The following FMN1 variants were observed in gnomAD, a reference collection of about 807,000 sequenced individuals.
The protein encoded by FMN1 is formin 1, also known as formin-1.
In FMN1, 110 loss-of-function variants were observed where a neutral mutation model predicts 132.4. The ratio of observed to expected loss-of-function variants is 0.83; its 90% CI spans 0.71 to 0.97. The LOEUF is 0.97. Ranked by LOEUF, FMN1 falls within the 50% of genes least tolerant of loss-of-function variation. The probability of loss-of-function intolerance (pLI) is 0.00; values close to 1 mark genes in which losing one functional copy is unlikely to be tolerated. For synonymous variants in FMN1, 722 were observed against 651.7 expected, an observed-to-expected ratio of 1.11 and a Z score of -1.64; for missense variants, 1,792 against 1,705.3, an observed-to-expected ratio of 1.05 and a Z score of -0.90.
chr15:32,930,506 G>C lies in FMN1; in HGVS notation c.3139-4245C>G, dbSNP rs538965783. Among the ~76,000 whole-genome samples, 3 of 151,926 alleles carry C rather than the reference G, an allele frequency of 2.0e-5. 1 individual carries two copies. The South Asian group carries it at 6.2e-4, about 31-fold the overall frequency. ...TTTCCCTGGTGATTAGTGATGTTGA[G>C]CATCTTTTCCTTATACATATTGGCC... On this transcript the variant is annotated intron_variant, in intron 9 of 20. Transcript: ENST00000616417.
At chr15:32,933,525 T>C (rs544134381) in intron 9 of FMN1, among the ~76,000 whole-genome samples, 1 of 152,134 alleles carries the variant, frequency 6.6e-6, no homozygotes, top group Non-Finnish European at 1.5e-5. Context: ...TGTTTCCTTA[T>C]TGTTTATCTA....
In FMN1 at chr15:33,074,060, G is replaced by A. The variant is rs142722111; in HGVS notation, c.2044-8986C>T. 1.4e-3 allele frequency among the ~76,000 whole-genome samples: 218 copies of A among 152,158 alleles called. 2 individuals carry two copies. Among genetic ancestry groups the A allele is most frequent in the Non-Finnish European group, 2.5e-3 (168 of 67,992 alleles). On this transcript the variant is annotated intron_variant, in intron 5 of 20. Transcript: ENST00000616417. ...TTGACCTTTTGTTTTAAAGATGAAG[G>A]CATTTGAGGTCAAGGGAAGCGGAAC...
At chr15:33,025,206 A>G (rs908090024) in intron 6 of FMN1, among the ~76,000 whole-genome samples, 5 of 152,170 alleles carry the variant, frequency 3.3e-5, no homozygotes, top group African/African-American at 1.2e-4. Flanking sequence ...TACACTTAAA[A>G]TCTATGAAGC....
At chr15:33,030,002 A>C (rs2035860284) in intron 6 of FMN1, among the ~76,000 whole-genome samples, 1 of 152,058 alleles carries the variant, frequency 6.6e-6, no homozygotes, top group Non-Finnish European at 1.5e-5. Flanking sequence ...CTAAAAATAC[A>C]AAAAAAATAG....
At chr15:33,051,360 G>T (rs1326685581) in intron 6 of FMN1, among the ~76,000 whole-genome samples, 3 of 152,136 alleles carry the variant, frequency 2.0e-5, no homozygotes, top group Admixed American at 6.6e-5. Flanking sequence ...TAAACTGGAA[G>T]TCAGAAGACC....
chr15:32,821,055 TTTG>T (rs778219384), intron 17 of FMN1, among the ~76,000 whole-genome samples: 11 of 132,074 alleles, frequency 8.3e-5, no homozygotes, highest in African/African-American at 1.9e-4. Context: ...GTGAGGCAGT[TTTG>T]TTGTTGTTGT....
intron 6 of FMN1, among the ~76,000 whole-genome samples, chr15:33,014,762 A>G (rs1261809356): frequency 6.6e-6 from 1 of 152,210 alleles, no homozygotes; most frequent in African/African-American, 2.4e-5. Flanking sequence ...CACAATAACA[A>G]AACATCCTTC....
At chr15:33,045,409 T>TG (rs2036632422) in intron 6 of FMN1, among the ~76,000 whole-genome samples, 1 of 152,212 alleles carries the variant, frequency 6.6e-6, no homozygotes. Context: ...AAAGCACCCC[T>TG]GGCCACAGAG....
intron 2 of FMN1, among the ~76,000 whole-genome samples, chr15:33,182,362 G>C (rs16966293): frequency 0.13 from 20,276 of 152,144 alleles, 2,560 homozygotes; most frequent in African/African-American, 0.33. Flanking sequence ...TAGAATCTCA[G>C]GCAGGCTGTA....
chr15:33,144,315 G>A (rs1964123247), intron 4 of FMN1, among the ~76,000 whole-genome samples: 1 of 152,132 alleles, frequency 6.6e-6, no homozygotes, highest in Non-Finnish European at 1.5e-5. Flanking sequence ...CTGCCCTCAA[G>A]TTTTTTTATT....
At chr15:32,778,567 T>C (rs562332423) in intron 19 of FMN1, among the ~76,000 whole-genome samples, 42 of 152,154 alleles carry the variant, frequency 2.8e-4, no homozygotes, top group African/African-American at 9.9e-4. Flanking sequence ...TCAACATCAT[T>C]AGTCATCAGA....
At chr15:33,171,210 G>A (rs1351678507) in intron 3 of FMN1, among the ~76,000 whole-genome samples, 1 of 152,202 alleles carries the variant, frequency 6.6e-6, no homozygotes, top group Non-Finnish European at 1.5e-5. Flanking sequence ...TCCAGAGACT[G>A]AGAAGGGGAT....
At chr15:33,009,017 T>A (rs1301135472) in intron 6 of FMN1, among the ~76,000 whole-genome samples, 1 of 152,184 alleles carries the variant, frequency 6.6e-6, no homozygotes, top group Non-Finnish European at 1.5e-5. Flanking sequence ...TGTGTTTTAA[T>A]TTAAAAATGG....
chr15:33,072,933 A>C (rs1407534317), intron 5 of FMN1, among the ~76,000 whole-genome samples: 5 of 151,748 alleles, frequency 3.3e-5, no homozygotes, highest in African/African-American at 9.7e-5. Flanking sequence ...AAAAAAAAAA[A>C]AAAACAAAAA....
chr15:33,033,936 TCTC>T (rs1184831733), intron 6 of FMN1, among the ~76,000 whole-genome samples: 2 of 152,078 alleles, frequency 1.3e-5, no homozygotes, highest in African/African-American at 4.8e-5. Context: ...GTCTCTTAGT[TCTC>T]CTCCTGCCTC....
chr15:33,007,196 G>T (rs991930886), intron 7 of FMN1, among the ~76,000 whole-genome samples: 1 of 151,752 alleles, frequency 6.6e-6, no homozygotes, highest in Non-Finnish European at 1.5e-5. Flanking sequence ...ATTTCTATTC[G>T]CAAACTAACA....
At chr15:32,885,783 T>G (rs986288818) in intron 16 of FMN1, among the ~76,000 whole-genome samples, 8 of 151,846 alleles carry the variant, frequency 5.3e-5, no homozygotes, top group Non-Finnish European at 1.5e-5. Context: ...TAATTCACAT[T>G]AGGTTAAGGT....
chr15:32,785,218 A>ATATATATTTTTTTTTTTTTTTT (rs1444523400), intron 19 of FMN1, among the ~76,000 whole-genome samples: 1 of 39,200 alleles, frequency 2.6e-5, no homozygotes. Flanking sequence ...ATATATATAT[A>ATATATATTTTTTTTTTTTTTTT]TTTTTTTTTT....
rs573940634 is a variant in FMN1 at position 32,882,191 on chromosome 15, A to G, written c.3835+5981T>C. ...TGAGCCACAGAACGAAGTGGGGCTT[A>G]TTCTTCAAACTTTATCATTCTGGAT... On this transcript the variant is annotated intron_variant, in intron 16 of 20. Coordinates refer to ENST00000616417, the MANE Select transcript of FMN1 (RefSeq NM_001277313.2). Among the ~76,000 whole-genome samples, 6 of 152,340 alleles carry G rather than the reference A, an allele frequency of 3.9e-5. No homozygotes were observed. In the South Asian group the frequency reaches 1.0e-3, roughly 26 times the overall value.
Sources: allele counts gnomAD v4.1 joint callset (sites outside exome capture counted in the v4.1 genomes callset), GRCh38; gene constraint gnomAD v4.1.1; transcripts MANE v1.5; gene names NCBI Gene and HGNC (gene_info 2026-07-23, HGNC 2026-07-21).